CORO2B: variants seen among roughly 807,000 people sequenced by gnomAD.
The protein encoded by CORO2B is coronin 2B.
CORO2B carries 26 observed loss-of-function variants against 58.8 expected under a neutral mutation model. That is an observed-to-expected ratio of 0.44 (90% CI 0.32 to 0.61). The LOEUF (loss-of-function observed/expected upper bound fraction) is 0.61. Among genes scored for constraint, CORO2B ranks in the 20% least tolerant of loss-of-function variants. CORO2B has a pLI of 0.04. For synonymous variants in CORO2B, 242 were observed against 253.8 expected (o/e 0.95, Z 0.44); for missense variants, 460 against 645.1 (o/e 0.71, Z 3.11).
chr15:68,570,799 GTTTT>G, the CORO2B span, among the ~76,000 whole-genome samples: 2 of 78,772 alleles, frequency 2.5e-5, no homozygotes, highest in African/African-American at 1.1e-4. Context: ...ACTACACGTA[GTTTT>G]TTTTTTTTTT....
chr15:68,619,024 A>T (rs1386740798), intron 1 of CORO2B, among the ~76,000 whole-genome samples: 1 of 152,178 alleles, frequency 6.6e-6, no homozygotes, highest in Non-Finnish European at 1.5e-5. Context: ...TTGTCAGAAG[A>T]TGGTAACAGC....
chr15:68,678,903 T>C (rs1596008483), intron 2 of CORO2B, among the ~76,000 whole-genome samples: 2 of 152,330 alleles, frequency 1.3e-5, no homozygotes, highest in East Asian at 1.9e-4. Context: ...ATAGTGGATC[T>C]GGCTAGAGGC....
chr15:68,725,951 C>A lies in CORO2B; in HGVS notation c.1420C>A (p.Arg474Ser), dbSNP rs546189688. ...RQLQLELKNL[R>S]NSPKNC ...GCTCCAGCTGGAACTGAAAAACTTG[C>A]GCAACAGCCCCAAGAACTGTTAGCT... Residue 474 changes from arginine to serine, a missense_variant, in exon 12 of 12, where the codon CGC becomes AGC. Coordinates refer to ENST00000261861, the MANE Select transcript of CORO2B (RefSeq NM_006091.5). The A allele has an allele frequency of 1.9e-6, 3 of 1,613,856 alleles. No individual in the cohort carries two copies. Among genetic ancestry groups the A allele is most frequent in the East Asian group, 2.2e-5 (1 of 44,878 alleles).
At chr15:68,702,747 A>G (rs1411464912) in intron 3 of CORO2B, among the ~76,000 whole-genome samples, 1 of 151,674 alleles carries the variant, frequency 6.6e-6, no homozygotes, top group African/African-American at 2.4e-5. Context: ...CTTGGAGCCA[A>G]TGATTGTGTA....
intron 1 of CORO2B, among the ~76,000 whole-genome samples, chr15:68,618,526 C>T (rs72746595): frequency 8.7e-4 from 133 of 152,268 alleles, no homozygotes; most frequent in Admixed American, 2.0e-3. Context: ...GGCTGGGAGG[C>T]GTGAGTGCGC....
the CORO2B span, among the ~76,000 whole-genome samples, chr15:68,552,432 A>G: frequency 6.2e-5 from 8 of 129,578 alleles, no homozygotes; most frequent in African/African-American, 2.3e-4. Context: ...GAAAGGGCAT[A>G]AAACTCCCAA....
At chr15:68,639,267 C>T (rs1901131464) in intron 1 of CORO2B, among the ~76,000 whole-genome samples, 1 of 152,112 alleles carries the variant, frequency 6.6e-6, no homozygotes, top group Non-Finnish European at 1.5e-5. Flanking sequence ...ATAAGGGAGC[C>T]CTGAACCCGG....
intron 3 of CORO2B, among the ~76,000 whole-genome samples, chr15:68,708,641 C>T (rs569325949): frequency 4.0e-5 from 6 of 151,892 alleles, no homozygotes; most frequent in East Asian, 1.9e-4. Flanking sequence ...GGATTACAGG[C>T]GTGAGCCACC....
intron 3 of CORO2B, among the ~76,000 whole-genome samples, chr15:68,697,474 G>A (rs1252819696): frequency 6.6e-6 from 1 of 152,220 alleles, no homozygotes; most frequent in Non-Finnish European, 1.5e-5. Flanking sequence ...CACACGCTGG[G>A]GGTGAGGTCA....
chr15:68,579,355 GT>G, intron 1 of CORO2B, 78 bp downstream of exon 1: 1 of 1,212,478 alleles, frequency 8.2e-7, no homozygotes, highest in Non-Finnish European at 1.0e-6. Context: ...GGGCGCGGGG[GT>G]GTGGGTGTGG....
the CORO2B span, among the ~76,000 whole-genome samples, chr15:68,555,404 C>A: frequency 1.3e-5 from 2 of 152,158 alleles, no homozygotes; most frequent in African/African-American, 4.8e-5. Context: ...TCAAGGGGAC[C>A]CAAACCACTT....
the CORO2B span, among the ~76,000 whole-genome samples, chr15:68,560,738 C>A: frequency 6.6e-6 from 1 of 152,192 alleles, no homozygotes. Flanking sequence ...GCTGTGCTCC[C>A]TAGACTCCTG....
intron 3 of CORO2B, among the ~76,000 whole-genome samples, chr15:68,700,883 G>T (rs1251627537): frequency 6.6e-6 from 1 of 152,040 alleles, no homozygotes; most frequent in Non-Finnish European, 1.5e-5. Context: ...GAAGAGGCAG[G>T]CGCCTCTTGC....
intron 2 of CORO2B, among the ~76,000 whole-genome samples, chr15:68,678,835 C>T (rs1902675332): frequency 6.6e-6 from 1 of 152,212 alleles, no homozygotes; most frequent in Non-Finnish European, 1.5e-5. Context: ...TGCCGGTCCT[C>T]CAGTGCTCAG....
intron 1 of CORO2B, among the ~76,000 whole-genome samples, chr15:68,589,408 G>A (rs1326716292): frequency 6.6e-6 from 1 of 152,214 alleles, no homozygotes; most frequent in Admixed American, 6.5e-5. Context: ...ATAAGATTTG[G>A]CAGGATTTGG....
intron 1 of CORO2B, among the ~76,000 whole-genome samples, chr15:68,587,483 C>T (rs912385294): frequency 5.3e-5 from 8 of 152,158 alleles, no homozygotes; most frequent in African/African-American, 1.2e-4. Context: ...TCTGCCTGTA[C>T]GGCACTCTAC....
rs143615451 is a variant in CORO2B, at chr15:68,727,386, A to G, written c.*1412A>G. On this transcript the variant is annotated 3_prime_UTR_variant, in exon 12 of 12. Coordinates refer to ENST00000261861, the MANE Select transcript of CORO2B (RefSeq NM_006091.5). ...TTTTTTCCTCCTTTCATTTCCCACT[A>G]CGCACAAAGAGTTTATAAACACTGT... is the stretch of plus-strand genomic sequence containing the variant. 1.6e-4 allele frequency: 24 copies of G among 152,302 alleles called. No individual in the cohort carries two copies. The East Asian group carries it at 4.3e-3, about 27-fold the overall frequency. The allele number at this position is 152,302 out of a possible 1,614,324, so 9.4% of individuals were successfully genotyped here.
At chr15:68,641,588 G>C (rs773291123) in intron 1 of CORO2B, 6 of 985,288 alleles carry the variant, frequency 6.1e-6, no homozygotes, top group Non-Finnish European at 7.2e-6. Flanking sequence ...GGGGAACCTG[G>C]GGTAAGTGTG....
rs1228870366 is a variant in CORO2B at position 68,726,226 on chromosome 15, C to G, written c.*252C>G. The G allele has an allele frequency of 2.1e-6, 1 of 470,236 alleles. No homozygotes were observed. Among genetic ancestry groups the G allele is most frequent in the Non-Finnish European group, 3.8e-6 (1 of 264,426 alleles). The allele number at this position is 470,236 out of a possible 1,614,324, so 29.1% of individuals were successfully genotyped here. Reference sequence around the variant, plus strand: ...TGCCACCCCAGGAGCCAGGCTTCCCCTCAGCTGGGTGAAGACTACAGACTC... The same window carrying G: ...TGCCACCCCAGGAGCCAGGCTTCCCGTCAGCTGGGTGAAGACTACAGACTC... On this transcript the variant is annotated 3_prime_UTR_variant, in exon 12 of 12. Transcript: ENST00000261861.
Sources: gnomAD v4.1 joint callset for allele counts (sites outside exome capture counted in the v4.1 genomes callset) on GRCh38, gnomAD v4.1.1 for gene constraint, MANE v1.5 for transcripts, NCBI Gene and HGNC (gene_info 2026-07-23, HGNC 2026-07-21) for gene names.